FABP2: variants seen among roughly 807,000 people sequenced by gnomAD.
The protein encoded by FABP2 is fatty acid-binding protein, intestinal.
In FABP2, 11 loss-of-function variants were observed where a neutral mutation model predicts 16.1. The ratio of observed to expected loss-of-function variants is 0.68; its 90% CI spans 0.43 to 1.13. The LOEUF is 1.13. Ranked by LOEUF, FABP2 falls within the 50% of genes most tolerant of loss-of-function variation. The pLI is 0.00. For synonymous variants in FABP2, 45 were observed against 50.9 expected, an observed-to-expected ratio of 0.88 and a Z score of 0.49; for missense variants, 146 against 155.1, an observed-to-expected ratio of 0.94 and a Z score of 0.31.
chr4:119,319,647 CATAATAATAATA>C lies in FABP2; in HGVS notation c.241-16_241-5del. 4 of 797,494 alleles carry C rather than the reference CATAATAATAATA, an allele frequency of 5.0e-6. No homozygotes were observed. The highest frequency in any genetic ancestry group is 4.9e-5 in the South Asian group (2 of 41,210). The allele number at this position is 797,494 out of a possible 1,614,324, so 49.4% of individuals were successfully genotyped here. On this transcript the variant is annotated splice_polypyrimidine_tract_variant and splice_region_variant and intron_variant, in intron 2 of 3. Transcript: ENST00000274024. ...TTCCCTCAAGGCTCCAGGTCCCCTA[CATAATAATAATA>C]ATAATAATAATAATAATAATGGCAT...
rs754579221 is a variant in FABP2, at chr4:119,319,516, C to T, written c.348+20G>A. 8 of 1,481,780 alleles carry T rather than the reference C, an allele frequency of 5.4e-6. No individual in the cohort carries two copies. In the Middle Eastern group the frequency reaches 7.5e-4, roughly 139 times the overall value. The allele number at this position is 1,481,780 out of a possible 1,614,324, so 91.8% of individuals were successfully genotyped here. ...AGTAATTTTTGCCTTTTGAAAATAGCTATAAATTTGACAACTCACCTGGAC... is the reference window on the plus strand; with the variant it reads ...AGTAATTTTTGCCTTTTGAAAATAGTTATAAATTTGACAACTCACCTGGAC... On this transcript the variant is annotated intron_variant, in intron 3 of 3. Transcript: ENST00000274024.
rs1755677788 is a variant in FABP2 at position 119,322,030 on chromosome 4, C to G, written c.67+6G>C. The G allele has an allele frequency of 6.2e-7, 1 of 1,609,428 alleles. No individual in the cohort carries two copies. Among genetic ancestry groups the G allele is most frequent in the Non-Finnish European group, 8.5e-7 (1 of 1,176,710 alleles). On this transcript the variant is annotated splice_donor_region_variant and intron_variant, in intron 1 of 3. Coordinates refer to ENST00000274024, the MANE Select transcript of FABP2 (RefSeq NM_000134.4). ...AGAATGAGCCACAAAGAAATAAAGT[C>G]TTTACCCATTTTTTCCATGAACTTG... is the stretch of plus-strand genomic sequence containing the variant.
Position 119,317,613 on chromosome 4 carries a change from T to A in FABP2, c.*1428A>T, listed in dbSNP as rs1755600748. The A allele has an allele frequency of 6.6e-6, 1 of 152,036 alleles. No homozygotes were observed. The highest frequency in any genetic ancestry group is 2.4e-5 in the African/African-American group (1 of 41,392). The allele number at this position is 152,036 out of a possible 1,614,324, so 9.4% of individuals were successfully genotyped here. Reference sequence around the variant, plus strand: ...CATATGTATATACCACTTAGAACAGTGTGTGGCAAGTAGTAAGAACTATGT... The same window carrying A: ...CATATGTATATACCACTTAGAACAGAGTGTGGCAAGTAGTAAGAACTATGT... On this transcript the variant is annotated 3_prime_UTR_variant, in exon 4 of 4. Transcript: ENST00000274024.
At chr4:119,321,048 G>C (rs549529391) in intron 1 of FABP2, among the ~76,000 whole-genome samples, 1 of 152,160 alleles carries the variant, frequency 6.6e-6, no homozygotes, top group African/African-American at 2.4e-5. Context: ...TCCATAACTT[G>C]AGAAAAATTA....
chr4:119,321,721 G>T (rs373539396), intron 1 of FABP2, among the ~76,000 whole-genome samples: 7 of 152,070 alleles, frequency 4.6e-5, no homozygotes, highest in Non-Finnish European at 8.8e-5. Context: ...ATCATTACAC[G>T]CTGCCATTTT....
rs1755622699 is a variant in FABP2 at position 119,319,028 on chromosome 4, C to G, written c.*13G>C. On this transcript the variant is annotated 3_prime_UTR_variant, in exon 4 of 4. Transcript: ENST00000274024. ...TCCAATTTGTATTTTGGACTGTGCG[C>G]CAAGAATAATGCTCAATCCTTTTTA... 6.3e-7 allele frequency: 1 copy of G among 1,592,284 alleles called. No homozygotes were observed. Among genetic ancestry groups the G allele is most frequent in the African/African-American group, 1.4e-5 (1 of 73,298 alleles).
In FABP2 at chr4:119,317,284, T is replaced by A. The variant is rs567832300; in HGVS notation, c.*1757A>T. The A allele has an allele frequency of 6.6e-6, 1 of 151,970 alleles. No homozygotes were observed. Among genetic ancestry groups the A allele is most frequent in the Non-Finnish European group, 1.5e-5 (1 of 67,946 alleles). 9.4% of individuals were successfully genotyped at this position (151,970 alleles called of 1,614,324 possible). On this transcript the variant is annotated 3_prime_UTR_variant, in exon 4 of 4. Coordinates refer to ENST00000274024, the MANE Select transcript of FABP2 (RefSeq NM_000134.4). ...GGTATTTTTATATAAATTTAAGGAG[T>A]ACAAGTATAGTTTTGTTACATTGAT...
chr4:119,320,571 C>G, intron 2 of FABP2, 99 bp downstream of exon 2: 1 of 934,600 alleles, frequency 1.1e-6, no homozygotes. Context: ...TGAAGGAGAC[C>G]TGCATTAATT....
Position 119,319,027 on chromosome 4 carries a change from G to A in FABP2, c.*14C>T, listed in dbSNP as rs559368273. ...GTCCAATTTGTATTTTGGACTGTGC[G>A]CCAAGAATAATGCTCAATCCTTTTT... On this transcript the variant is annotated 3_prime_UTR_variant, in exon 4 of 4. Coordinates refer to ENST00000274024, the MANE Select transcript of FABP2 (RefSeq NM_000134.4). The A allele has an allele frequency of 1.8e-4, 281 of 1,590,258 alleles. No individual in the cohort carries two copies. Among genetic ancestry groups the A allele is most frequent in the South Asian group, 1.4e-3 (122 of 88,374 alleles).
intron 2 of FABP2, among the ~76,000 whole-genome samples, chr4:119,319,917 C>A (rs975226817): frequency 2.6e-5 from 4 of 151,948 alleles, no homozygotes; most frequent in South Asian, 4.2e-4. Flanking sequence ...TCAATAATTT[C>A]CATACGCTGA....
chr4:119,318,940 C>A lies in FABP2; in HGVS notation c.*101G>T. On this transcript the variant is annotated 3_prime_UTR_variant, in exon 4 of 4. Coordinates refer to ENST00000274024, the MANE Select transcript of FABP2 (RefSeq NM_000134.4). ...TACCAATGTTTATAAAAGGACCAAT[C>A]AATCAGTAACCTTATACTTGATGGG... is the stretch of plus-strand genomic sequence containing the variant. The A allele has an allele frequency of 1.2e-6, 1 of 859,248 alleles. No individual in the cohort carries two copies. The highest frequency in any genetic ancestry group is 1.8e-5 in the South Asian group (1 of 56,982). 53.2% of individuals were successfully genotyped at this position (859,248 alleles called of 1,614,324 possible).
At position 119,320,665 on chromosome 4, in the gene FABP2, C is replaced by T. The variant is rs755247535; in HGVS notation, c.240+5G>A. ...TGCATTGCTCATAAAAAAAAAAATT[C>T]TTACCCTGAGTTCAGTTCCGTCTGC... is the stretch of plus-strand genomic sequence containing the variant. On this transcript the variant is annotated splice_donor_5th_base_variant and intron_variant, in intron 2 of 3. Transcript: ENST00000274024. 1.9e-6 allele frequency: 3 copies of T among 1,552,878 alleles called. No individual in the cohort carries two copies. Among genetic ancestry groups the T allele is most frequent in the African/African-American group, 2.8e-5 (2 of 70,434 alleles).
chr4:119,321,022 T>C (rs1377329949), intron 1 of FABP2, among the ~76,000 whole-genome samples, 180 bp from the exon 2 acceptor site: 2 of 152,114 alleles, frequency 1.3e-5, no homozygotes, highest in East Asian at 1.9e-4. Context: ...TCAAGAGAAC[T>C]GATTAAAGTT....
rs549449155 is a variant in FABP2, at chr4:119,319,152, AG to A, written c.349-62del. On this transcript the variant is annotated intron_variant, in intron 3 of 3. Transcript: ENST00000274024. ...AAGGTTTACATCTAAGTTAAGAAAA[AG>A]TAGTATTATAGTTTTATACTATATG... 121 of 1,100,690 alleles carry A rather than the reference AG, an allele frequency of 1.1e-4. No individual in the cohort carries two copies. The African/African-American group carries it at 1.9e-3, about 17-fold the overall frequency. 68.2% of individuals were successfully genotyped at this position (1,100,690 alleles called of 1,614,324 possible).
rs1220448340 is a variant in FABP2 at position 119,318,995 on chromosome 4, ATCT to A, written c.*43_*45del. ...AATAAATAGTTCTGGTACAATATAGATCTTCTGTCCAATTTGTATTTTGGACTG... is the reference window on the plus strand; with the variant it reads ...AATAAATAGTTCTGGTACAATATAGATCTGTCCAATTTGTATTTTGGACTG... On this transcript the variant is annotated 3_prime_UTR_variant, in exon 4 of 4. Coordinates refer to ENST00000274024, the MANE Select transcript of FABP2 (RefSeq NM_000134.4). 8 of 1,456,042 alleles carry A rather than the reference ATCT, an allele frequency of 5.5e-6. No homozygotes were observed. Among genetic ancestry groups the A allele is most frequent in the South Asian group, 4.8e-5 (4 of 83,314 alleles). The allele number at this position is 1,456,042 out of a possible 1,614,324, so 90.2% of individuals were successfully genotyped here. A position where few individuals can be genotyped will look rare whatever the true frequency, so the allele number is the denominator to read the frequency against.
rs12506610 is a variant in FABP2 at position 119,320,504 on chromosome 4, T to C, written c.240+166A>G. On this transcript the variant is annotated intron_variant, in intron 2 of 3. Transcript: ENST00000274024. The stretch of plus-strand genomic sequence containing the variant: ...ATAAAAATAAAAACATATTTAAATA[T>C]CCTGCCAATTTGTGCAATATATAAT... Among the ~76,000 whole-genome samples, 51,224 of 151,830 alleles carry C rather than the reference T, an allele frequency of 0.34. 8,807 individuals carry two copies. Among genetic ancestry groups the C allele is most frequent in the East Asian group, 0.39 (2,000 of 5,156 alleles).
At position 119,320,570 on chromosome 4, in the gene FABP2, C is replaced by A. The variant is rs11935130; in HGVS notation, c.240+100G>T. 210,376 of 909,900 alleles carry A rather than the reference C, an allele frequency of 0.23. 25,446 individuals are homozygous for A. The highest frequency in any genetic ancestry group is 0.3 in the Admixed American group (9,859 of 32,602). 56.4% of individuals were successfully genotyped at this position (909,900 alleles called of 1,614,324 possible). ...TGGCTTCTTCAGTTAGTGAAGGAGA[C>A]CTGCATTAATTAAACCATCCAATGA... is the stretch of plus-strand genomic sequence containing the variant. On this transcript the variant is annotated intron_variant, in intron 2 of 3. Transcript: ENST00000274024.
At position 119,319,084 on chromosome 4, in the gene FABP2, A is replaced by G. The variant is rs201934315; in HGVS notation, c.356T>C (p.Val119Ala). The G allele has an allele frequency of 1.5e-5, 24 of 1,593,970 alleles. No homozygotes were observed. The highest frequency in any genetic ancestry group is 2.0e-5 in the Non-Finnish European group (23 of 1,169,950). Residue 119 changes from valine to alanine, a missense_variant, in exon 4 of 4, where the codon GTA (valine) becomes GCA (alanine). Coordinates refer to ENST00000274024, the MANE Select transcript of FABP2 (RefSeq NM_000134.4). ...IIGDELVQTY[V>A]YEGVEAKRIF... ...CCTTTTGGCTTCTACTCCTTCATAT[A>G]CATAAGTCTGAAAGGTGTTAACAAA...
intron 1 of FABP2, 30 bp downstream of exon 1, chr4:119,322,005 AG>A (rs768835572): frequency 1.9e-6 from 3 of 1,575,216 alleles, no homozygotes; most frequent in Non-Finnish European, 2.6e-6. Flanking sequence ...AAGAAAGCAA[AG>A]AATGAGCCAC....
Sources: gnomAD v4.1 joint callset for allele counts (sites outside exome capture counted in the v4.1 genomes callset) on GRCh38, gnomAD v4.1.1 for gene constraint, MANE v1.5 for transcripts, NCBI Gene and HGNC (gene_info 2026-07-23, HGNC 2026-07-21) for gene names.